PTCH1: variants seen among roughly 807,000 people sequenced by gnomAD.
The protein encoded by PTCH1 is protein patched homolog 1.
A neutral mutation model predicts 144.6 loss-of-function variants in PTCH1; 14 were observed. The ratio of observed to expected loss-of-function variants is 0.10; its 90% CI spans 0.06 to 0.15. The LOEUF (loss-of-function observed/expected upper bound fraction) is 0.15. Ranked by LOEUF, PTCH1 falls within the 10% of genes least tolerant of loss-of-function variation. The pLI is 1.00. For missense variants in PTCH1, 1,623 were observed against 1,948.3 expected (o/e 0.83, Z 3.14); for synonymous variants, 833 against 793.6 (o/e 1.05, Z -0.83).
chr9:95,446,615 A>C (rs1476428485), intron 23 of PTCH1: 15 of 521,364 alleles, frequency 2.9e-5, no homozygotes, highest in Non-Finnish European at 5.3e-5. Context: ...ATGCACCTCC[A>C]TAAAGACTGG....
At chr9:95,506,898 TAG>T in intron 1 of PTCH1, 1 of 1,123,244 alleles carries the variant, frequency 8.9e-7, no homozygotes, top group African/African-American at 1.6e-5. Context: ...GAAGCCGAGG[TAG>T]AGAGGAGAGA....
chr9:95,468,667 AG>A, intron 14 of PTCH1, 83 bp downstream of exon 14: 9 of 1,549,510 alleles, frequency 5.8e-6, no homozygotes, highest in Non-Finnish European at 7.1e-6. Context: ...AGGAAAAAGA[AG>A]AAAAGTAGAA....
chr9:95,486,504 T>C (rs1378958353), intron 2 of PTCH1, among the ~76,000 whole-genome samples: 1 of 152,268 alleles, frequency 6.6e-6, no homozygotes, highest in African/African-American at 2.4e-5. Flanking sequence ...CAGACGCACC[T>C]GGTCAGCATC....
chr9:95,508,031 A>G, intron 1 of PTCH1, 130 bp downstream of exon 1: 1 of 1,511,762 alleles, frequency 6.6e-7, no homozygotes, highest in South Asian at 1.2e-5. Flanking sequence ...TTTCCTGGAG[A>G]GGTGTGAGTG....
intron 12 of PTCH1, chr9:95,473,879 T>C (rs1840803557): frequency 3.0e-6 from 1 of 337,340 alleles, no homozygotes; most frequent in Non-Finnish European, 5.9e-6. Context: ...ACCAGTGTCA[T>C]GAGGAGGTAT....
intron 2 of PTCH1, among the ~76,000 whole-genome samples, chr9:95,486,653 C>CA (rs1664410494): frequency 6.6e-6 from 1 of 152,272 alleles, no homozygotes; most frequent in South Asian, 2.1e-4. Flanking sequence ...GCAAGCTGGC[C>CA]AGCACGGGGT....
chr9:95,502,168 C>T lies in PTCH1; in HGVS notation c.394+4239G>A, dbSNP rs1843194838. On this transcript the variant is annotated intron_variant, in intron 2 of 23. Coordinates refer to ENST00000331920, the MANE Select transcript of PTCH1 (RefSeq NM_000264.5). ...TGCTGTTCCTTCTGCCCTGAATGCC[C>T]CCTACCCTCTCCCCTCCAGCCCCTG... Among the ~76,000 whole-genome samples the T allele has an allele frequency of 3.3e-5, 5 of 152,212 alleles. No homozygotes were observed. The South Asian group carries it at 1.0e-3, about 32-fold the overall frequency.
intron 1 of PTCH1, chr9:95,516,329 G>T: frequency 2.0e-6 from 1 of 495,594 alleles, no homozygotes. Context: ...CGCGCGGCCC[G>T]CCCCTCCTGC....
rs1839184762 is a variant in PTCH1 at position 95,458,682 on chromosome 9, GCTTAA to G, written c.2888-394_2888-390del. ...AGAGTCATGCTTTCCTGAGAAAAATGCTTAACTTATCCTTTTAGTGCCTGAACAAA... is the reference window on the plus strand; with the variant it reads ...AGAGTCATGCTTTCCTGAGAAAAATGCTTATCCTTTTAGTGCCTGAACAAA... On this transcript the variant is annotated intron_variant, in intron 17 of 23. Transcript: ENST00000331920. The surrounding 1 kb of genome is among the most constrained non-coding windows in gnomAD (Gnocchi z 4.7). 6.6e-6 allele frequency among the ~76,000 whole-genome samples: 1 copy of G among 152,176 alleles called. No homozygotes were observed. The highest frequency in any genetic ancestry group is 1.5e-5 in the Non-Finnish European group (1 of 68,032).
intron 15 of PTCH1, among the ~76,000 whole-genome samples, chr9:95,463,105 G>A (rs1406561123): frequency 6.6e-6 from 1 of 151,736 alleles, no homozygotes; most frequent in Non-Finnish European, 1.5e-5. Context: ...GGTTGGACAC[G>A]GCTAGTAAGA....
intron 5 of PTCH1, among the ~76,000 whole-genome samples, chr9:95,481,232 C>A (rs1841511280): frequency 1.3e-5 from 2 of 152,200 alleles, no homozygotes; most frequent in South Asian, 4.1e-4. Context: ...TTCGGAATCT[C>A]CCAACCAGAA....
intron 15 of PTCH1, among the ~76,000 whole-genome samples, chr9:95,465,711 G>A (rs1371730315): frequency 6.6e-6 from 1 of 152,050 alleles, no homozygotes; most frequent in African/African-American, 2.4e-5. Context: ...ATTGACTTCA[G>A]ACCAAAAAAG....
chr9:95,489,198 A>T (rs1329348463), intron 2 of PTCH1, among the ~76,000 whole-genome samples: 1 of 152,220 alleles, frequency 6.6e-6, no homozygotes, highest in African/African-American at 2.4e-5. Context: ...CCTATCCTAA[A>T]TCACTGCTGA....
At chr9:95,446,659 C>T (rs541157672) in intron 23 of PTCH1, 41 of 597,188 alleles carry the variant, frequency 6.9e-5, no homozygotes, top group Admixed American at 1.7e-4. Flanking sequence ...TGTTTGTGTC[C>T]TTGTGGCGCT....
Position 95,477,976 on chromosome 9 carries a change from C to A in PTCH1, c.1347+79G>T. 3.7e-6 allele frequency: 6 copies of A among 1,601,554 alleles called. No individual in the cohort carries two copies. In the South Asian group the frequency reaches 6.6e-5, roughly 18 times the overall value. ...ATCGATGTTAAGAGCAGTTAAGAAG[C>A]AGGAGCAGTCATGGAAAAGTAAAGA... On this transcript the variant is annotated intron_variant, in intron 9 of 23. Transcript: ENST00000331920.
intron 7 of PTCH1, among the ~76,000 whole-genome samples, chr9:95,479,696 T>G (rs1841372835): frequency 2.6e-5 from 4 of 152,208 alleles, no homozygotes; most frequent in Non-Finnish European, 5.9e-5. Flanking sequence ...GCTCCCATTC[T>G]CTACCTAATG....
intron 1 of PTCH1, chr9:95,507,892 G>A (rs575832989): frequency 4.0e-5 from 51 of 1,283,378 alleles, no homozygotes; most frequent in Non-Finnish European, 4.8e-5. Context: ...GCACACCAGG[G>A]AGGGCGTGTG....
exon 1 of PTCH1, chr9:95,516,935 GGAACGTGCTATCAGCACA>G (rs1844394535): frequency 1.1e-6 from 1 of 875,220 alleles, no homozygotes; most frequent in South Asian, 1.8e-5. Context: ...GTAAACTCGA[GGAACGTGCTATCAGCACA>G]GCCCTCCTGG....
intron 5 of PTCH1, 55 bp downstream of exon 5, chr9:95,481,893 GA>G: frequency 1.4e-6 from 2 of 1,419,742 alleles, no homozygotes; most frequent in Middle Eastern, 1.8e-4. Context: ...AGCAACATTA[GA>G]AACACTGAGT....
Sources: gnomAD v4.1 joint callset for allele counts (sites outside exome capture counted in the v4.1 genomes callset) on GRCh38, gnomAD v4.1.1 for gene constraint, Gnocchi (gnomAD v3.1) non-coding constraint, MANE v1.5 for transcripts, NCBI Gene and HGNC (gene_info 2026-07-23, HGNC 2026-07-21) for gene names.